The following NUP205 variants were observed in gnomAD, a reference collection of about 807,000 sequenced individuals.
The protein encoded by NUP205 is nuclear pore complex protein Nup205.
In NUP205, 76 loss-of-function variants were observed where a neutral mutation model predicts 253.8. The observed-to-expected ratio is 0.30, with a 90% CI of 0.25 to 0.36. The LOEUF is 0.36. Among genes scored for constraint, NUP205 ranks in the 10% least tolerant of loss-of-function variants. NUP205 has a pLI of 1.00. For missense variants in NUP205, 2,162 were observed against 2,425.5 expected, an observed-to-expected ratio of 0.89 and a Z score of 2.28; for synonymous variants, 832 against 850.1, an observed-to-expected ratio of 0.98 and a Z score of 0.37.
At chr7:135,559,056 T>G (rs369094991) in intron 1 of NUP205, among the ~76,000 whole-genome samples, 2 of 152,232 alleles carry the variant, frequency 1.3e-5, no homozygotes, top group Non-Finnish European at 2.9e-5. Context: ...GCTTATCTCA[T>G]TCAGTTCCCG....
At chr7:135,564,373 A>G (rs1047149797) in intron 1 of NUP205, among the ~76,000 whole-genome samples, 2 of 151,556 alleles carry the variant, frequency 1.3e-5, no homozygotes, top group Non-Finnish European at 2.9e-5. Flanking sequence ...CGGCCTCCCA[A>G]GTAACTGGGA....
chr7:135,619,899 A>T lies in NUP205; in HGVS notation c.4330+11A>T. 6.6e-7 allele frequency: 1 copy of T among 1,515,672 alleles called. No individual in the cohort carries two copies. The highest frequency in any genetic ancestry group is 1.2e-5 in the South Asian group (1 of 85,548). The allele number at this position is 1,515,672 out of a possible 1,614,324, so 93.9% of individuals were successfully genotyped here. ...ACACCTTAGAAGCAGGTAGAATGAG[A>T]TCAATTCCTAATCTTTTCTGGATTG... On this transcript the variant is annotated intron_variant, in intron 30 of 42. Transcript: ENST00000285968.
intron 1 of NUP205, 141 bp downstream of exon 1, chr7:135,558,113 C>T (rs1161138800): frequency 4.1e-6 from 3 of 722,994 alleles, no homozygotes; most frequent in Non-Finnish European, 5.0e-6. Context: ...GCCTAGAGTC[C>T]CACCCCTCCC....
Position 135,602,788 on chromosome 7 carries a change from T to G in NUP205, c.2513-17T>G. On this transcript the variant is annotated splice_polypyrimidine_tract_variant and intron_variant, in intron 17 of 42. Coordinates refer to ENST00000285968, the MANE Select transcript of NUP205 (RefSeq NM_015135.3). ...AAGATAAATTTAGAACTTTCTAACT[T>G]TATTTTTGGTTGATAGGGAAAAAAC... 5 of 1,590,632 alleles carry G rather than the reference T, an allele frequency of 3.1e-6. No homozygotes were observed. The highest frequency in any genetic ancestry group is 4.3e-6 in the Non-Finnish European group (5 of 1,169,642).
intron 9 of NUP205, 46 bp downstream of exon 9, chr7:135,587,737 T>C (rs1376251906): frequency 6.5e-7 from 1 of 1,527,530 alleles, no homozygotes; most frequent in African/African-American, 1.4e-5. Flanking sequence ...CTCCTTTCAT[T>C]ATTTTTTCCC....
At chr7:135,571,313 ACT>A (rs1408626308) in intron 2 of NUP205, 66 bp downstream of exon 2, 1 of 1,102,996 alleles carries the variant, frequency 9.1e-7, no homozygotes, top group Non-Finnish European at 1.2e-6. Flanking sequence ...AAGGAAGTAA[ACT>A]CTTTTCTTTT....
Position 135,597,420 on chromosome 7 carries a change from TAA to T in NUP205, c.2064+4_2064+5del. On this transcript the variant is annotated splice_donor_region_variant and intron_variant, in intron 14 of 42. Coordinates refer to ENST00000285968, the MANE Select transcript of NUP205 (RefSeq NM_015135.3). ...CAAAGGCAAGCTATTGGTATTGAGG[TAA>T]AGTTTTCCTTTTAGTTTAAATGTTA... is the stretch of plus-strand genomic sequence containing the variant. 1 of 1,598,952 alleles carries T rather than the reference TAA, an allele frequency of 6.3e-7. No homozygotes were observed. Among genetic ancestry groups the T allele is most frequent in the Non-Finnish European group, 8.6e-7 (1 of 1,166,222 alleles).
Position 135,619,886 on chromosome 7 carries a change from C to G in NUP205, c.4328C>G (p.Ala1443Gly). The G allele has an allele frequency of 1.3e-6, 2 of 1,589,816 alleles. No individual in the cohort carries two copies. Among genetic ancestry groups the G allele is most frequent in the Non-Finnish European group, 1.7e-6 (2 of 1,159,740 alleles). The change falls in exon 30 of 43, where the codon GCA (alanine) becomes GGA (glycine). Residue 1443 changes from alanine to glycine, a missense_variant and splice_region_variant. Physicochemically the swap from Ala to Gly is moderately conservative, Grantham distance 60. Around this residue, in one of 5 missense-constraint regions of NUP205, gnomAD observed 1,144 missense variants for 1,280.9 expected, o/e 0.89. Coordinates refer to ENST00000285968, the MANE Select transcript of NUP205 (RefSeq NM_015135.3). The part of the protein sequence containing the change: ...QRPDEPDTLE[A>G]AKKTMWERLT... ...CCTGATGAACCAGACACCTTAGAAG[C>G]AGGTAGAATGAGATCAATTCCTAAT...
rs373130134 is a variant in NUP205, at chr7:135,576,442, G to C, written c.488+28G>C. The C allele has an allele frequency of 1.8e-5, 28 of 1,590,288 alleles. No individual in the cohort carries two copies. The Middle Eastern group carries it at 1.0e-3, about 57-fold the overall frequency. ...CTTTTTACTTCTTGGGATTTCAGGG[G>C]TTAATTTGAAATTACTTGAAGTATG... On this transcript the variant is annotated intron_variant, in intron 4 of 42. Coordinates refer to ENST00000285968, the MANE Select transcript of NUP205 (RefSeq NM_015135.3).
intron 1 of NUP205, among the ~76,000 whole-genome samples, chr7:135,564,374 G>T (rs1805687189): frequency 6.6e-6 from 1 of 151,428 alleles, no homozygotes; most frequent in Non-Finnish European, 1.5e-5. Flanking sequence ...GGCCTCCCAA[G>T]TAACTGGGAT....
At chr7:135,587,800 A>G in intron 9 of NUP205, 55 bp from the exon 10 acceptor site, 1 of 1,548,512 alleles carries the variant, frequency 6.5e-7, no homozygotes, top group African/African-American at 1.4e-5. Context: ...TTTTTTATTG[A>G]AAGTAATTTT....
chr7:135,647,040 A>G (rs974077196), intron 42 of NUP205, among the ~76,000 whole-genome samples: 1 of 152,260 alleles, frequency 6.6e-6, no homozygotes, highest in Non-Finnish European at 1.5e-5. Flanking sequence ...GTCATAGACC[A>G]TAGTACACAA....
At chr7:135,622,096 C>T (rs940243735) in intron 30 of NUP205, among the ~76,000 whole-genome samples, 2 of 151,684 alleles carry the variant, frequency 1.3e-5, no homozygotes, top group African/African-American at 4.8e-5. Context: ...AGCCACCACG[C>T]CTGGCAATTT....
intron 34 of NUP205, 97 bp from the exon 35 acceptor site, chr7:135,630,247 C>G: frequency 2.3e-6 from 2 of 877,932 alleles, no homozygotes; most frequent in Non-Finnish European, 3.2e-6. Flanking sequence ...TTGAAGGTTA[C>G]TTCCTTCAAC....
chr7:135,590,734 T>C (rs890198858), intron 10 of NUP205, among the ~76,000 whole-genome samples: 2 of 152,040 alleles, frequency 1.3e-5, no homozygotes, highest in South Asian at 4.1e-4. Context: ...GGTTTCACCA[T>C]GTTGGCCAGG....
chr7:135,622,983 TAAAC>T, intron 31 of NUP205, 58 bp downstream of exon 31: 1 of 1,553,758 alleles, frequency 6.4e-7, no homozygotes. Flanking sequence ...TATTAAGGTA[TAAAC>T]TGATTCACGG....
intron 7 of NUP205, 119 bp downstream of exon 7, chr7:135,579,034 T>A: frequency 4.3e-6 from 3 of 693,994 alleles, no homozygotes; most frequent in Non-Finnish European, 6.6e-6. Context: ...TATCCAGAGT[T>A]GTATTAAATG....
chr7:135,580,463 A>AT (rs976689414), intron 7 of NUP205, among the ~76,000 whole-genome samples: 18 of 152,022 alleles, frequency 1.2e-4, no homozygotes, highest in African/African-American at 4.1e-4. Context: ...GTGATAGTTA[A>AT]TATCTTCTTT....
rs751139668 is a variant in NUP205, at chr7:135,619,854, C to G, written c.4296C>G (p.Ala1432=). ...YGSLLYYLQI[A]QRPDEPDTLE... ...CTCTGCTTTATTACTTACAGATTGC[C>G]CAGAGACCTGATGAACCAGACACCT... Residue 1432 remains alanine, a synonymous_variant, in exon 30 of 43, where the codon GCC becomes GCG. Transcript: ENST00000285968. 3.1e-6 allele frequency: 5 copies of G among 1,613,300 alleles called. No homozygotes were observed. In the African/African-American group the frequency reaches 4.0e-5, roughly 13 times the overall value.
Sources: allele counts gnomAD v4.1 joint callset (sites outside exome capture counted in the v4.1 genomes callset), GRCh38; gene constraint gnomAD v4.1.1; regional missense constraint gnomAD v4.1.1; transcripts MANE v1.5; gene names NCBI Gene and HGNC (gene_info 2026-07-23, HGNC 2026-07-21).